Variants in TRUB1 observed in about 807,000 individuals in gnomAD.
The protein encoded by TRUB1 is TruB pseudouridine synthase family member 1, also known as pseudouridylate synthase TRUB1.
Under a neutral mutation model 33.9 loss-of-function variants are expected in TRUB1, and 23 were observed. That is an observed-to-expected ratio of 0.68 (90% CI 0.49 to 0.96). The LOEUF is 0.96. Ranked by LOEUF, TRUB1 falls within the 40% of genes least tolerant of loss-of-function variation. TRUB1 has a pLI of 0.00. For synonymous variants in TRUB1, 163 were observed against 165.4 expected, an observed-to-expected ratio of 0.99 and a Z score of 0.11; for missense variants, 378 against 422.2, an observed-to-expected ratio of 0.90 and a Z score of 0.92.
chr10:114,939,902 C>G (rs1053963780), intron 1 of TRUB1, among the ~76,000 whole-genome samples: 1 of 150,388 alleles, frequency 6.6e-6, no homozygotes, highest in Non-Finnish European at 1.5e-5. Flanking sequence ...CATATTCTGG[C>G]CTTCTGGCTA....
chr10:114,938,283 T>G lies in TRUB1; in HGVS notation c.30T>G (p.Ser10=). 3 of 1,614,204 alleles carry G rather than the reference T, an allele frequency of 1.9e-6. No homozygotes were observed. The highest frequency in any genetic ancestry group is 2.5e-6 in the Non-Finnish European group (3 of 1,180,032). Residue 10 remains serine (S), a synonymous_variant, in exon 1 of 8, where the codon TCT becomes TCG. Coordinates refer to ENST00000298746, the MANE Select transcript of TRUB1 (RefSeq NM_139169.5). MAASEAAVV[S]SPSLKTDTSP... ...CCGCTTCTGAGGCGGCGGTGGTGTC[T>G]TCGCCGTCTTTGAAAACAGACACAT...
intron 4 of TRUB1, among the ~76,000 whole-genome samples, chr10:114,963,666 A>T (rs1190431063): frequency 1.3e-5 from 2 of 152,234 alleles, no homozygotes; most frequent in East Asian, 1.9e-4. Flanking sequence ...AGATGGTTTT[A>T]AAACTAAGGC....
Position 114,938,400 on chromosome 10 carries a change from G to A in TRUB1, c.147G>A (p.Arg49=). ...AAAAVVAAAA[R]TGSEARVSKA... is the part of the protein sequence containing the mutation. Reference sequence around the variant, plus strand: ...CCGCGGTGGTTGCGGCCGCGGCCAGGACCGGATCCGAAGCCAGGGTCTCCA... The same window carrying A: ...CCGCGGTGGTTGCGGCCGCGGCCAGAACCGGATCCGAAGCCAGGGTCTCCA... The change falls in exon 1 of 8, where the codon AGG becomes AGA. Residue 49 remains arginine, a synonymous_variant. Transcript: ENST00000298746. 1 of 1,604,396 alleles carries A rather than the reference G, an allele frequency of 6.2e-7. No individual in the cohort carries two copies. Among genetic ancestry groups the A allele is most frequent in the Non-Finnish European group, 8.5e-7 (1 of 1,175,318 alleles).
rs920072734 is a variant in TRUB1, at chr10:114,977,003, A to G, written c.*1624A>G. ...AATATGTCCTCTTCCATTGCAAATT[A>G]AAGTCCAAATAGAGAAATACTTAGG... On this transcript the variant is annotated 3_prime_UTR_variant, in exon 8 of 8. Coordinates refer to ENST00000298746, the MANE Select transcript of TRUB1 (RefSeq NM_139169.5). The G allele has an allele frequency of 2.0e-5, 3 of 152,186 alleles. No homozygotes were observed. Among genetic ancestry groups the G allele is most frequent in the Non-Finnish European group, 4.4e-5 (3 of 68,018 alleles). The allele number at this position is 152,186 out of a possible 1,614,324, so 9.4% of individuals were successfully genotyped here. A position where few individuals can be genotyped will look rare whatever the true frequency, so the allele number is the denominator to read the frequency against.
chr10:114,938,218 C>T lies in TRUB1; in HGVS notation c.-36C>T. 1 of 1,603,730 alleles carries T rather than the reference C, an allele frequency of 6.2e-7. No individual in the cohort carries two copies. Among genetic ancestry groups the T allele is most frequent in the Non-Finnish European group, 8.5e-7 (1 of 1,176,472 alleles). ...GCACTCTTGTTGCATCATCAGCGTGCACCTCCACGATGAAACAGGTCTGGG... is the reference window on the plus strand; with the variant it reads ...GCACTCTTGTTGCATCATCAGCGTGTACCTCCACGATGAAACAGGTCTGGG... On this transcript the variant is annotated 5_prime_UTR_variant, in exon 1 of 8. Transcript: ENST00000298746.
chr10:114,967,652 T>C (rs546599791), intron 4 of TRUB1, among the ~76,000 whole-genome samples: 59 of 152,260 alleles, frequency 3.9e-4, no homozygotes, highest in Admixed American at 3.8e-3. Flanking sequence ...ATGACACTTG[T>C]ACCTCTTTTA....
intron 3 of TRUB1, among the ~76,000 whole-genome samples, chr10:114,952,518 TA>T (rs894592990): frequency 1.4e-4 from 21 of 152,302 alleles, no homozygotes; most frequent in Admixed American, 1.2e-3. Context: ...GGTAGATAGA[TA>T]CATAGATACA....
At chr10:114,957,988 G>T (rs1053056656) in intron 3 of TRUB1, among the ~76,000 whole-genome samples, 1 of 152,136 alleles carries the variant, frequency 6.6e-6, no homozygotes, top group East Asian at 1.9e-4. Context: ...GATGATGATG[G>T]TATTATTATC....
Position 114,938,241 on chromosome 10 carries a change from G to A in TRUB1, c.-13G>A. ...TGCACCTCCACGATGAAACAGGTCT[G>A]GGCTACAAAAGTATGGCCGCTTCTG... On this transcript the variant is annotated 5_prime_UTR_variant, in exon 1 of 8. An upstream open reading frame in the 5' UTR gains an earlier in-frame stop. Coordinates refer to ENST00000298746, the MANE Select transcript of TRUB1 (RefSeq NM_139169.5). 1 of 1,613,396 alleles carries A rather than the reference G, an allele frequency of 6.2e-7. No homozygotes were observed. The highest frequency in any genetic ancestry group is 1.1e-5 in the South Asian group (1 of 90,990).
rs961906595 is a variant in TRUB1, at chr10:114,976,939, G to T, written c.*1560G>T. 4 of 152,108 alleles carry T rather than the reference G, an allele frequency of 2.6e-5. No individual in the cohort carries two copies. The highest frequency in any genetic ancestry group is 5.9e-5 in the Non-Finnish European group (4 of 67,990). 9.4% of individuals were successfully genotyped at this position (152,108 alleles called of 1,614,324 possible). Reference sequence around the variant, plus strand: ...CCACAGTGTGTGTCAACCAAAGGTGGCAGTGGCTACATCTGCCTGTTGGAC... The same window carrying T: ...CCACAGTGTGTGTCAACCAAAGGTGTCAGTGGCTACATCTGCCTGTTGGAC... On this transcript the variant is annotated 3_prime_UTR_variant, in exon 8 of 8. Coordinates refer to ENST00000298746, the MANE Select transcript of TRUB1 (RefSeq NM_139169.5).
intron 4 of TRUB1, among the ~76,000 whole-genome samples, chr10:114,964,492 T>C (rs981360630): frequency 1.3e-5 from 2 of 152,202 alleles, no homozygotes; most frequent in African/African-American, 4.8e-5. Flanking sequence ...CTTGCCTTTT[T>C]CCTCTCTTGT....
intron 2 of TRUB1, among the ~76,000 whole-genome samples, chr10:114,949,094 T>C (rs750608780): frequency 6.6e-6 from 1 of 152,238 alleles, no homozygotes; most frequent in Non-Finnish European, 1.5e-5. Flanking sequence ...CATATTGTTA[T>C]TTAGCATTAT....
At chr10:114,974,429 ACTC>A (rs2084350964) in intron 7 of TRUB1, 44 bp downstream of exon 7, 2 of 1,513,246 alleles carry the variant, frequency 1.3e-6, no homozygotes, top group Non-Finnish European at 1.8e-6. Context: ...AGAGAATAAT[ACTC>A]CTTTTCAATT....
chr10:114,975,491 TGAA>T lies in TRUB1; in HGVS notation c.*116_*118del. ...ACAATATGTCTTTTTTTTTTTTGCA[TGAA>T]GAAAAATGTCTATCATTTACAGTTT... On this transcript the variant is annotated 3_prime_UTR_variant, in exon 8 of 8. Transcript: ENST00000298746. The T allele has an allele frequency of 1.9e-6, 2 of 1,044,258 alleles. No homozygotes were observed. Among genetic ancestry groups the T allele is most frequent in the Non-Finnish European group, 2.7e-6 (2 of 745,460 alleles). The allele number at this position is 1,044,258 out of a possible 1,614,324, so 64.7% of individuals were successfully genotyped here. A position where few individuals can be genotyped will look rare whatever the true frequency, so the allele number is the denominator to read the frequency against.
chr10:114,961,015 A>G (rs2084283055), intron 4 of TRUB1, among the ~76,000 whole-genome samples: 1 of 152,154 alleles, frequency 6.6e-6, no homozygotes, highest in African/African-American at 2.4e-5. Flanking sequence ...ACGTGGTGAA[A>G]AATATAAGGC....
At chr10:114,959,705 C>T (rs1378277520) in intron 3 of TRUB1, 21 bp from the exon 4 acceptor site, 1 of 1,560,336 alleles carries the variant, frequency 6.4e-7, no homozygotes, top group Non-Finnish European at 8.8e-7. Context: ...CCCATTTTCT[C>T]TCTTGTTTCC....
At chr10:114,972,583 T>C (rs976348157) in intron 6 of TRUB1, among the ~76,000 whole-genome samples, 2 of 152,156 alleles carry the variant, frequency 1.3e-5, no homozygotes, top group African/African-American at 2.4e-5. Flanking sequence ...AAGGAGTGTA[T>C]ATACTTTTTA....
intron 1 of TRUB1, among the ~76,000 whole-genome samples, chr10:114,939,834 T>TTTTTTTTTTTTTTTTTTTTTTTTTTTC: frequency 6.6e-6 from 1 of 151,378 alleles, no homozygotes. Flanking sequence ...TTCTTTTTTT[T>TTTTTTTTTTTTTTTTTTTTTTTTTTTC]TTTTTTTTAT....
At chr10:114,965,034 A>G (rs887988408) in intron 4 of TRUB1, among the ~76,000 whole-genome samples, 2 of 147,070 alleles carry the variant, frequency 1.4e-5, no homozygotes, top group Non-Finnish European at 3.0e-5. Context: ...GGTTCATGCC[A>G]TTCTCCTGCC....
Sources: allele counts gnomAD v4.1 joint callset (sites outside exome capture counted in the v4.1 genomes callset), GRCh38; gene constraint gnomAD v4.1.1; transcripts MANE v1.5; gene names NCBI Gene and HGNC (gene_info 2026-07-23, HGNC 2026-07-21).